Variants in SUPT3H observed in about 807,000 individuals in gnomAD.
SUPT3H encodes the protein transcription initiation protein SPT3 homolog.
A neutral mutation model predicts 44.3 loss-of-function variants in SUPT3H; 44 were observed. The ratio of observed to expected loss-of-function variants is 0.99; its 90% CI spans 0.78 to 1.28. The LOEUF (loss-of-function observed/expected upper bound fraction) is 1.28, where lower values mean the gene tolerates loss of function less well. SUPT3H is among the 50% of genes most tolerant of loss of function. The pLI is 0.00. For synonymous variants in SUPT3H, 124 were observed against 125.6 expected (o/e 0.99, Z 0.09); for missense variants, 380 against 387.1 (o/e 0.98, Z 0.15).
intron 11 of SUPT3H, among the ~76,000 whole-genome samples, chr6:44,820,755 A>G (rs1767246295): frequency 6.6e-6 from 1 of 152,238 alleles, no homozygotes; most frequent in African/African-American, 2.4e-5. Context: ...TAAGTGTTAG[A>G]GTGAAAAAGA....
chr6:44,871,180 C>A (rs758459566), intron 10 of SUPT3H, among the ~76,000 whole-genome samples: 4 of 149,264 alleles, frequency 2.7e-5, no homozygotes, highest in Non-Finnish European at 6.0e-5. Flanking sequence ...TATGTAGGCT[C>A]CACCTCTGGG....
intron 10 of SUPT3H, among the ~76,000 whole-genome samples, chr6:44,857,219 C>T (rs1476936484): frequency 6.6e-6 from 1 of 152,004 alleles, no homozygotes; most frequent in African/African-American, 2.4e-5. Flanking sequence ...TCTGAAAATA[C>T]AAAATAAATA....
intron 2 of SUPT3H, among the ~76,000 whole-genome samples, chr6:45,321,572 C>T (rs1177672945): frequency 1.3e-5 from 2 of 152,100 alleles, no homozygotes; most frequent in African/African-American, 2.4e-5. Context: ...ATAGTATCGT[C>T]GCAATCCAGT....
intron 10 of SUPT3H, among the ~76,000 whole-genome samples, chr6:44,869,723 T>C (rs911203333): frequency 2.0e-5 from 3 of 152,196 alleles, no homozygotes; most frequent in Non-Finnish European, 4.4e-5. Flanking sequence ...CACCGGAAGA[T>C]ATAGCATAAT....
At chr6:45,328,745 T>C in intron 2 of SUPT3H, 1 of 1,612,192 alleles carries the variant, frequency 6.2e-7, no homozygotes, top group Non-Finnish European at 8.5e-7. Flanking sequence ...AAACAGCCTC[T>C]TCAGCACAGT....
intron 2 of SUPT3H, among the ~76,000 whole-genome samples, chr6:45,169,173 C>A (rs2153605245): frequency 6.6e-6 from 1 of 152,270 alleles, no homozygotes; most frequent in South Asian, 2.1e-4. Flanking sequence ...CATTCATTTA[C>A]AGATGAGGGA....
chr6:45,355,207 C>T (rs1251019507), intron 2 of SUPT3H, among the ~76,000 whole-genome samples: 12 of 151,588 alleles, frequency 7.9e-5, no homozygotes, highest in Non-Finnish European at 1.8e-4. Flanking sequence ...AGCAATCCTC[C>T]TGCCTCAGCC....
intron 2 of SUPT3H, among the ~76,000 whole-genome samples, chr6:45,268,526 T>G (rs1775613868): frequency 6.6e-6 from 1 of 152,212 alleles, no homozygotes; most frequent in African/African-American, 2.4e-5. Context: ...AATCAGGACA[T>G]TCTTATATAC....
At chr6:45,005,017 G>C (rs1365173102) in intron 5 of SUPT3H, among the ~76,000 whole-genome samples, 1 of 152,150 alleles carries the variant, frequency 6.6e-6, no homozygotes, top group Non-Finnish European at 1.5e-5. Context: ...ATGGCATTCT[G>C]TATGGTTGGC....
intron 6 of SUPT3H, among the ~76,000 whole-genome samples, chr6:45,000,173 C>A (rs1402818761): frequency 6.6e-6 from 1 of 151,800 alleles, no homozygotes; most frequent in Admixed American, 6.6e-5. Flanking sequence ...ATTTCACAGT[C>A]CCATATATTA....
At chr6:45,060,584 T>C (rs1309163204) in intron 3 of SUPT3H, among the ~76,000 whole-genome samples, 1 of 151,622 alleles carries the variant, frequency 6.6e-6, no homozygotes, top group Non-Finnish European at 1.5e-5. Flanking sequence ...AAAGCCAAAA[T>C]TGACAAATGG....
intron 2 of SUPT3H, among the ~76,000 whole-genome samples, chr6:45,325,359 C>T (rs1024539843): frequency 1.3e-5 from 2 of 151,720 alleles, no homozygotes; most frequent in Admixed American, 1.3e-4. Context: ...AAAAATTACT[C>T]AAATGGTTAC....
In SUPT3H at chr6:45,144,306, C is replaced by T. The variant is rs550566292; in HGVS notation, c.102-38300G>A. Among the ~76,000 whole-genome samples the T allele has an allele frequency of 2.0e-5, 3 of 152,194 alleles. No individual in the cohort carries two copies. In the South Asian group the frequency reaches 6.2e-4, roughly 32 times the overall value. On this transcript the variant is annotated intron_variant, in intron 2 of 10. Transcript: ENST00000371459. The stretch of plus-strand genomic sequence containing the variant: ...GCAAAGATCCTTAACAAAATACTAG[C>T]TAACTGAATCCAACAGCATATAAAA...
chr6:45,146,031 G>A (rs1163423277), intron 2 of SUPT3H, among the ~76,000 whole-genome samples: 3 of 152,100 alleles, frequency 2.0e-5, no homozygotes, highest in Admixed American at 2.0e-4. Context: ...ATGTTGGAGT[G>A]GATGTGGTAT....
At chr6:45,140,925 T>C (rs182408196) in intron 2 of SUPT3H, among the ~76,000 whole-genome samples, 1 of 152,314 alleles carries the variant, frequency 6.6e-6, no homozygotes, top group Non-Finnish European at 1.5e-5. Context: ...TTCCAAGCTT[T>C]TCCACTGAAA....
chr6:44,887,394 A>C (rs1266528421), intron 10 of SUPT3H, among the ~76,000 whole-genome samples: 1 of 152,242 alleles, frequency 6.6e-6, no homozygotes, highest in Non-Finnish European at 1.5e-5. Flanking sequence ...CAAATGTAAA[A>C]GAACAGAAAT....
intron 10 of SUPT3H, among the ~76,000 whole-genome samples, chr6:44,893,351 A>C (rs969787574): frequency 3.3e-5 from 5 of 152,160 alleles, no homozygotes. Flanking sequence ...AGCATTAGCT[A>C]TATCTCCCAA....
chr6:45,303,589 A>G (rs1419536523), intron 2 of SUPT3H, among the ~76,000 whole-genome samples: 1 of 151,244 alleles, frequency 6.6e-6, no homozygotes, highest in African/African-American at 2.4e-5. Flanking sequence ...TGTTTTCTTC[A>G]GCCATTTTTG....
chr6:45,230,684 A>ATTTT (rs1363543780), intron 2 of SUPT3H, among the ~76,000 whole-genome samples: 2,732 of 101,024 alleles, frequency 0.027, 132 homozygotes, highest in African/African-American at 0.052. Context: ...ATATATATAT[A>ATTTT]TATTTTTGAG....
Sources: gnomAD v4.1 joint callset for allele counts (sites outside exome capture counted in the v4.1 genomes callset) on GRCh38, gnomAD v4.1.1 for gene constraint, MANE v1.5 for transcripts, NCBI Gene and HGNC (gene_info 2026-07-23, HGNC 2026-07-21) for gene names.